CHD1: variants seen among roughly 807,000 people sequenced by gnomAD.
CHD1 encodes the protein chromodomain helicase DNA binding protein 1.
A neutral mutation model predicts 224.2 loss-of-function variants in CHD1; 36 were observed. The ratio of observed to expected loss-of-function variants is 0.16; its 90% CI spans 0.12 to 0.21. The LOEUF is 0.21. CHD1 is among the 10% of genes least tolerant of loss of function. The probability of loss-of-function intolerance (pLI) is 1.00; values close to 1 mark genes in which losing one functional copy is unlikely to be tolerated. For synonymous variants in CHD1, 668 were observed against 658.3 expected, an observed-to-expected ratio of 1.01 and a Z score of -0.23; for missense variants, 1,378 against 1,994.8, an observed-to-expected ratio of 0.69 and a Z score of 5.89.
chr5:98,899,808 T>C, intron 7 of CHD1, 103 bp from the exon 8 acceptor site: 1 of 732,988 alleles, frequency 1.4e-6, no homozygotes, highest in South Asian at 1.8e-5. Flanking sequence ...ATATACTCTT[T>C]TAAATAAAGT....
At chr5:98,903,377 T>C (rs1751847733) in intron 4 of CHD1, among the ~76,000 whole-genome samples, 2 of 151,468 alleles carry the variant, frequency 1.3e-5, no homozygotes, top group Non-Finnish European at 2.9e-5. Context: ...ACACACAAAC[T>C]ACATTGTGTA....
In CHD1 at chr5:98,919,683, T is replaced by C. The variant is rs142283841; in HGVS notation, c.53+6651A>G. Reference sequence around the variant, plus strand: ...GAAAGAAAGGTTAGAATGAACCCTATAGCACAGGATTAGAGTTGGAGCCAT... The same window carrying C: ...GAAAGAAAGGTTAGAATGAACCCTACAGCACAGGATTAGAGTTGGAGCCAT... On this transcript the variant is annotated intron_variant, in intron 2 of 35. Transcript: ENST00000614616. 2.9e-3 allele frequency among the ~76,000 whole-genome samples: 445 copies of C among 152,280 alleles called. 1 individual carries two copies. The highest frequency in any genetic ancestry group is 4.8e-3 in the Non-Finnish European group (326 of 68,024).
intron 11 of CHD1, among the ~76,000 whole-genome samples, chr5:98,896,776 A>G (rs1207714633): frequency 9.0e-6 from 1 of 110,510 alleles, no homozygotes; most frequent in East Asian, 2.7e-4. Context: ...AAAAGTATAT[A>G]GGAAGAACAC....
chr5:98,901,392 C>G, intron 5 of CHD1, 57 bp from the exon 6 acceptor site: 1 of 1,396,016 alleles, frequency 7.2e-7, no homozygotes. Context: ...AGTTTTATCC[C>G]TAATACAAAG....
At chr5:98,885,748 CT>C in intron 17 of CHD1, 99 bp from the exon 18 acceptor site, 1 of 734,172 alleles carries the variant, frequency 1.4e-6, no homozygotes, top group Non-Finnish European at 2.3e-6. Context: ...GAAGCATGTC[CT>C]TTGCTAAAAC....
In CHD1 at chr5:98,856,306, G is replaced by C. The variant is rs571657878; in HGVS notation, c.*74C>G. The C allele has an allele frequency of 2.8e-6, 3 of 1,062,316 alleles. No homozygotes were observed. The highest frequency in any genetic ancestry group is 4.1e-5 in the Admixed American group (2 of 48,826). The allele number at this position is 1,062,316 out of a possible 1,614,324, so 65.8% of individuals were successfully genotyped here. A position where few individuals can be genotyped will look rare whatever the true frequency, so the allele number is the denominator to read the frequency against. Reference sequence around the variant, plus strand: ...GATCTGTTTATATCTTTCAAGTCATGTAAGGCAATTACTGTGTTGGTTTAT... The same window carrying C: ...GATCTGTTTATATCTTTCAAGTCATCTAAGGCAATTACTGTGTTGGTTTAT... On this transcript the variant is annotated 3_prime_UTR_variant, in exon 36 of 36. Transcript: ENST00000614616.
At chr5:98,878,716 A>G (rs1022530729) in intron 23 of CHD1, among the ~76,000 whole-genome samples, 4 of 152,184 alleles carry the variant, frequency 2.6e-5, no homozygotes, top group Non-Finnish European at 5.9e-5. Context: ...TAGTTGAAAA[A>G]TTTCCTAAAT....
chr5:98,881,723 C>T (rs1216715756), intron 20 of CHD1, among the ~76,000 whole-genome samples: 1 of 151,850 alleles, frequency 6.6e-6, no homozygotes. Flanking sequence ...TTGCCTAGTG[C>T]AGTATATTTA....
At chr5:98,872,369 A>G in intron 27 of CHD1, 48 bp downstream of exon 27, 4 of 1,565,608 alleles carry the variant, frequency 2.6e-6, no homozygotes, top group Non-Finnish European at 3.5e-6. Flanking sequence ...TTCATTTTGC[A>G]ATTATTGAAT....
At chr5:98,927,667 C>T (rs984148921) in intron 1 of CHD1, among the ~76,000 whole-genome samples, 2 of 152,184 alleles carry the variant, frequency 1.3e-5, no homozygotes, top group Admixed American at 1.3e-4. Flanking sequence ...CCTTACTGAA[C>T]AATTAAGTCT....
At chr5:98,920,623 CCT>C (rs1753027959) in intron 2 of CHD1, among the ~76,000 whole-genome samples, 1 of 152,000 alleles carries the variant, frequency 6.6e-6, no homozygotes, top group African/African-American at 2.4e-5. Context: ...ACAGAGAAAC[CCT>C]GTCTCTACTA....
chr5:98,920,290 G>A (rs1753006760), intron 2 of CHD1, among the ~76,000 whole-genome samples: 1 of 152,048 alleles, frequency 6.6e-6, no homozygotes, highest in African/African-American at 2.4e-5. Context: ...AAGTAGGCTA[G>A]ACAAAATGAC....
intron 34 of CHD1, 55 bp from the exon 35 acceptor site, chr5:98,858,445 A>C: frequency 7.0e-7 from 1 of 1,418,938 alleles, no homozygotes; most frequent in Non-Finnish European, 9.8e-7. Flanking sequence ...TGGCAAAAAA[A>C]ACTTAGTTGA....
intron 16 of CHD1, among the ~76,000 whole-genome samples, chr5:98,888,817 G>A (rs957869403): frequency 6.6e-6 from 1 of 152,114 alleles, no homozygotes; most frequent in African/African-American, 2.4e-5. Flanking sequence ...AACATACTGT[G>A]GGATTTTCTT....
intron 25 of CHD1, 72 bp downstream of exon 25, chr5:98,875,000 T>A: frequency 1.3e-6 from 1 of 791,086 alleles, no homozygotes; most frequent in Non-Finnish European, 2.1e-6. Context: ...AAACTGAATG[T>A]TAATACAAAT....
In CHD1 at chr5:98,896,452, T is replaced by TA. The variant is rs756574264; in HGVS notation, c.1494-11dup. The stretch of plus-strand genomic sequence containing the variant: ...TATGCAACTATTTCCTCTACAAAGT[T>TA]AAAAAAAAATTAGCATGCAAGGAAA... On this transcript the variant is annotated splice_polypyrimidine_tract_variant and intron_variant, in intron 11 of 35. Transcript: ENST00000614616. 180 of 1,565,822 alleles carry TA rather than the reference T, an allele frequency of 1.1e-4. No homozygotes were observed. The highest frequency in any genetic ancestry group is 2.0e-4 in the South Asian group (18 of 87,880).
At chr5:98,866,812 GT>G (rs1748906956) in intron 31 of CHD1, among the ~76,000 whole-genome samples, 1 of 152,022 alleles carries the variant, frequency 6.6e-6, no homozygotes, top group African/African-American at 2.4e-5. Flanking sequence ...CCTAGTCCTA[GT>G]TAAAGCCAAA....
chr5:98,855,800 AG>A lies in CHD1; in HGVS notation c.*579del, dbSNP rs1390006186. ...ATTTACAGCCATTTTTTTTGTAAAA[AG>A]GCATAATAGATCACAAACAGGAAAT... On this transcript the variant is annotated 3_prime_UTR_variant, in exon 36 of 36. Transcript: ENST00000614616. 6.6e-6 allele frequency: 1 copy of A among 151,806 alleles called. No individual in the cohort carries two copies. The allele number at this position is 151,806 out of a possible 1,614,324, so 9.4% of individuals were successfully genotyped here. A position where few individuals can be genotyped will look rare whatever the true frequency, so the allele number is the denominator to read the frequency against.
At chr5:98,902,784 C>A in intron 5 of CHD1, 116 bp downstream of exon 5, 1 of 586,258 alleles carries the variant, frequency 1.7e-6, no homozygotes, top group Non-Finnish European at 3.0e-6. Context: ...TCATAAAATG[C>A]CATGAACTAA....
Sources: allele counts gnomAD v4.1 joint callset (sites outside exome capture counted in the v4.1 genomes callset), GRCh38; gene constraint gnomAD v4.1.1; transcripts MANE v1.5; gene names NCBI Gene and HGNC (gene_info 2026-07-23, HGNC 2026-07-21).